KIAA1217: variants seen among roughly 807,000 people sequenced by gnomAD.
KIAA1217 encodes sickle tail protein homolog.
In KIAA1217, 88 loss-of-function variants were observed where a neutral mutation model predicts 163.9. The ratio of observed to expected loss-of-function variants is 0.54; its 90% CI spans 0.45 to 0.64. KIAA1217 has a LOEUF of 0.64. Ranked by LOEUF, KIAA1217 falls within the 30% of genes least tolerant of loss-of-function variation. The probability of loss-of-function intolerance (pLI) is 0.00; values close to 1 mark genes in which losing one functional copy is unlikely to be tolerated. For synonymous variants in KIAA1217, 903 were observed against 923.1 expected (o/e 0.98, Z 0.39); for missense variants, 2,372 against 2,475.0 (o/e 0.96, Z 0.88).
chr10:24,504,864 G>C (rs2068128848), intron 9 of KIAA1217, among the ~76,000 whole-genome samples: 1 of 152,168 alleles, frequency 6.6e-6, no homozygotes, highest in Admixed American at 6.5e-5. Context: ...ATTTCAATGG[G>C]ACAAGGGGAA....
intron 1 of KIAA1217, among the ~76,000 whole-genome samples, chr10:23,949,683 A>G (rs1564558571): frequency 6.6e-6 from 1 of 152,186 alleles, no homozygotes; most frequent in Non-Finnish European, 1.5e-5. Context: ...GTCATTTATG[A>G]TCATGATAAT....
intron 2 of KIAA1217, among the ~76,000 whole-genome samples, chr10:24,235,470 G>A (rs1253605471): frequency 6.6e-6 from 1 of 152,152 alleles, no homozygotes; most frequent in Non-Finnish European, 1.5e-5. Flanking sequence ...CTTGTAGTGT[G>A]GTCTTGACTT....
chr10:24,196,308 C>T (rs945196148), intron 2 of KIAA1217, among the ~76,000 whole-genome samples: 4 of 152,222 alleles, frequency 2.6e-5, no homozygotes, highest in African/African-American at 9.7e-5. Flanking sequence ...GGAAGGAGCA[C>T]ATTGGGGCCT....
At position 24,501,439 on chromosome 10, in the gene KIAA1217, G is replaced by C. The variant is rs1253331489; in HGVS notation, c.1895G>C (p.Ser632Thr). 1.2e-6 allele frequency: 2 copies of C among 1,614,074 alleles called. No individual in the cohort carries two copies. The highest frequency in any genetic ancestry group is 1.6e-4 in the Middle Eastern group (1 of 6,062). ...GCTCTGGAGTCCACGGTGCCTCCCA[G>C]CCAGCCTCCACCTGTGGGCACCTCA... ...LSALESTVPP[S>T]QPPPVGTSAI... Residue 632 changes from serine (S) to threonine (T), a missense_variant, in exon 9 of 21, where the codon AGC becomes ACC. Transcript: ENST00000376454.
chr10:24,115,442 C>G (rs1207878192), intron 2 of KIAA1217, among the ~76,000 whole-genome samples: 1 of 152,044 alleles, frequency 6.6e-6, no homozygotes, highest in Non-Finnish European at 1.5e-5. Flanking sequence ...GTCAGCTATT[C>G]TGGGAAAAAA....
chr10:24,386,933 G>C (rs1417113228), intron 3 of KIAA1217, among the ~76,000 whole-genome samples: 2 of 152,186 alleles, frequency 1.3e-5, no homozygotes, highest in Non-Finnish European at 2.9e-5. Flanking sequence ...TGTAGAGTAA[G>C]TGAAACATTT....
intron 2 of KIAA1217, among the ~76,000 whole-genome samples, chr10:24,116,057 C>T (rs957739923): frequency 2.0e-5 from 3 of 152,124 alleles, no homozygotes; most frequent in African/African-American, 7.2e-5. Flanking sequence ...TGACTTCCCT[C>T]GTTGACAGTG....
chr10:23,720,062 A>T (rs1387089167), intron 1 of KIAA1217, among the ~76,000 whole-genome samples: 1 of 151,810 alleles, frequency 6.6e-6, no homozygotes, highest in Admixed American at 6.6e-5. Context: ...TAGGTAGGGG[A>T]TTTGAATTTA....
At chr10:24,430,532 T>C (rs1057475283) in intron 3 of KIAA1217, among the ~76,000 whole-genome samples, 1 of 151,994 alleles carries the variant, frequency 6.6e-6, no homozygotes, top group African/African-American at 2.4e-5. Flanking sequence ...TCTATTATTA[T>C]TGCATTGCAA....
chr10:24,277,670 C>T (rs1272876920), intron 2 of KIAA1217, among the ~76,000 whole-genome samples: 1 of 152,228 alleles, frequency 6.6e-6, no homozygotes, highest in Non-Finnish European at 1.5e-5. Flanking sequence ...CTTCTCCTTG[C>T]TGCTGCCATG....
At chr10:24,226,814 A>C (rs2070627117) in intron 2 of KIAA1217, among the ~76,000 whole-genome samples, 1 of 152,112 alleles carries the variant, frequency 6.6e-6, no homozygotes, top group Admixed American at 6.5e-5. Flanking sequence ...GCAATCCCTC[A>C]CAGTTGTGGT....
chr10:24,491,737 A>G (rs576281890), intron 6 of KIAA1217, among the ~76,000 whole-genome samples: 2 of 152,156 alleles, frequency 1.3e-5, no homozygotes, highest in African/African-American at 4.8e-5. Context: ...CCCCTCTGCC[A>G]TTTCCCTCTT....
At chr10:24,074,713 T>C (rs1199871282) in intron 2 of KIAA1217, among the ~76,000 whole-genome samples, 1 of 149,674 alleles carries the variant, frequency 6.7e-6, no homozygotes, top group Non-Finnish European at 1.5e-5. Flanking sequence ...CTTTTTTTTT[T>C]TTTTTTTTGA....
At chr10:23,908,241 A>G (rs1302425277) in intron 1 of KIAA1217, among the ~76,000 whole-genome samples, 1 of 152,102 alleles carries the variant, frequency 6.6e-6, no homozygotes, top group Non-Finnish European at 1.5e-5. Flanking sequence ...GGGGTATCTG[A>G]TGCTAAGGAA....
chr10:24,512,373 G>C (rs1334689939), intron 9 of KIAA1217, among the ~76,000 whole-genome samples: 1 of 152,110 alleles, frequency 6.6e-6, no homozygotes, highest in Non-Finnish European at 1.5e-5. Flanking sequence ...TATTGTGATG[G>C]AGGCTGATTG....
intron 2 of KIAA1217, among the ~76,000 whole-genome samples, chr10:24,073,898 C>T (rs1312768033): frequency 2.0e-5 from 3 of 152,144 alleles, no homozygotes; most frequent in Non-Finnish European, 4.4e-5. Context: ...AACAGGGTTT[C>T]TGTAGTAGGT....
intron 2 of KIAA1217, among the ~76,000 whole-genome samples, chr10:24,334,438 TGGAAGGAAGGAAGGAA>T (rs60016533): frequency 1.6e-4 from 13 of 82,286 alleles, no homozygotes; most frequent in African/African-American, 3.5e-4. Context: ...GAGGGAAGGA[TGGAAGGAAGGAAGGAA>T]GGAAGGAAGG....
At chr10:24,229,599 C>A (rs1327508445) in intron 2 of KIAA1217, among the ~76,000 whole-genome samples, 1 of 152,120 alleles carries the variant, frequency 6.6e-6, no homozygotes, top group Non-Finnish European at 1.5e-5. Flanking sequence ...CTCACTGCAA[C>A]CTCCGCCTCC....
At position 24,543,648 on chromosome 10, in the gene KIAA1217, C is replaced by G; in HGVS notation, c.4378C>G (p.Leu1460Val). Reference protein sequence around the residue: ...PMDIRSAYKRLSTIFEECDEE... With the variant: ...PMDIRSAYKRVSTIFEECDEE... ...GGACATCCGGTCTGCCTATAAGAGA[C>G]TTTCAACTATCTTTGAGGAATGTGA... Residue 1460 changes from leucine (L) to valine (V), a missense_variant, in exon 19 of 21, where the codon CTT becomes GTT. Coordinates refer to ENST00000376454, the MANE Select transcript of KIAA1217 (RefSeq NM_019590.5). 5 of 1,613,996 alleles carry G rather than the reference C, an allele frequency of 3.1e-6. No individual in the cohort carries two copies. The highest frequency in any genetic ancestry group is 4.2e-6 in the Non-Finnish European group (5 of 1,179,972).
Sources: gnomAD v4.1 joint callset for allele counts (sites outside exome capture counted in the v4.1 genomes callset) on GRCh38, gnomAD v4.1.1 for gene constraint, MANE v1.5 for transcripts, NCBI Gene and HGNC (gene_info 2026-07-23, HGNC 2026-07-21) for gene names.